WDFY4: variants seen among roughly 807,000 people sequenced by gnomAD.
The protein encoded by WDFY4 is WDFY family member 4.
Under a neutral mutation model 351.9 loss-of-function variants are expected in WDFY4, and 169 were observed. The ratio of observed to expected loss-of-function variants is 0.48; its 90% CI spans 0.42 to 0.55. The LOEUF (loss-of-function observed/expected upper bound fraction) is 0.55. Among genes scored for constraint, WDFY4 ranks in the 20% least tolerant of loss-of-function variants. The pLI is 0.00. For synonymous variants in WDFY4, 1,622 were observed against 1,574.6 expected, an observed-to-expected ratio of 1.03 and a Z score of -0.71; for missense variants, 3,803 against 3,935.6, an observed-to-expected ratio of 0.97 and a Z score of 0.90.
At chr10:48,905,604 G>A (rs1479001052) in intron 47 of WDFY4, among the ~76,000 whole-genome samples, 1 of 152,198 alleles carries the variant, frequency 6.6e-6, no homozygotes, top group Non-Finnish European at 1.5e-5. Flanking sequence ...GAGACCCTTG[G>A]AGAAGCTTCT....
At chr10:48,783,470 A>G (rs2066294178) in intron 19 of WDFY4, among the ~76,000 whole-genome samples, 1 of 151,686 alleles carries the variant, frequency 6.6e-6, no homozygotes. Flanking sequence ...TTATATATGT[A>G]CAATTGTATA....
At chr10:48,947,446 G>A (rs1404931503) in intron 51 of WDFY4, among the ~76,000 whole-genome samples, 1 of 152,186 alleles carries the variant, frequency 6.6e-6, no homozygotes, top group Non-Finnish European at 1.5e-5. Context: ...TACGCTAACA[G>A]ACCATTATAC....
At chr10:48,875,705 A>C (rs1470912034) in intron 42 of WDFY4, among the ~76,000 whole-genome samples, 2 of 152,208 alleles carry the variant, frequency 1.3e-5, no homozygotes, top group Non-Finnish European at 2.9e-5. Flanking sequence ...ATGAGCCAGC[A>C]CACCTGGCCA....
Position 48,828,830 on chromosome 10 carries a change from C to T in WDFY4, c.6274C>T (p.Gln2092Ter). 1 of 1,547,342 alleles carries T rather than the reference C, an allele frequency of 6.5e-7. No homozygotes were observed. Among genetic ancestry groups the T allele is most frequent in the Non-Finnish European group, 8.7e-7 (1 of 1,145,520 alleles). ...EPKPRMSTYH[Q>*]VFLSPNEDVK... ...CAAGCCTAGAATGTCTACTTATCAT[C>T]AAGTCTTCCTTTCCCCAAATGAAGA... The change falls in exon 37 of 62, where the codon CAA becomes TAA. Residue 2092 changes from glutamine (Q) to a stop codon, truncating the protein, a stop_gained. Coordinates refer to ENST00000325239, the MANE Select transcript of WDFY4 (RefSeq NM_001394531.1). LOFTEE classifies it high-confidence loss of function.
At chr10:48,870,389 G>A (rs2069721220) in intron 40 of WDFY4, among the ~76,000 whole-genome samples, 1 of 152,074 alleles carries the variant, frequency 6.6e-6, no homozygotes, top group Non-Finnish European at 1.5e-5. Flanking sequence ...TAGTTAAAAA[G>A]ACATTAGCCA....
At chr10:48,727,394 G>T in intron 6 of WDFY4, 76 bp from the exon 7 acceptor site, 2 of 1,389,996 alleles carry the variant, frequency 1.4e-6, no homozygotes, top group South Asian at 2.6e-5. Flanking sequence ...TTTGGAGTAG[G>T]GGAGGTAGGT....
chr10:48,952,169 G>A (rs1841358288), intron 51 of WDFY4, among the ~76,000 whole-genome samples: 1 of 152,114 alleles, frequency 6.6e-6, no homozygotes, highest in South Asian at 2.1e-4. Context: ...GGAAGGCGAG[G>A]AACCTGGAGC....
At position 48,973,429 on chromosome 10, in the gene WDFY4, GC is replaced by G. The variant is rs533485608; in HGVS notation, c.8929-1432del. Among the ~76,000 whole-genome samples the G allele has an allele frequency of 1.8e-4, 27 of 152,338 alleles. No individual in the cohort carries two copies. The South Asian group carries it at 5.6e-3, about 32-fold the overall frequency. The stretch of plus-strand genomic sequence containing the variant: ...TAGGATCCATTAAGGACAAACAGGA[GC>G]TTGTGGCAGAACCTTTCATTGCTAT... On this transcript the variant is annotated intron_variant, in intron 57 of 61. Coordinates refer to ENST00000325239, the MANE Select transcript of WDFY4 (RefSeq NM_001394531.1).
chr10:48,965,814 T>TAGATTATATCTGTATCAGTTAGATAC (rs1842052635), intron 54 of WDFY4, among the ~76,000 whole-genome samples: 28 of 152,376 alleles, frequency 1.8e-4, no homozygotes, highest in African/African-American at 6.7e-4. Flanking sequence ...CAGTTAGATA[T>TAGATTATATCTGTATCAGTTAGATAC]AGATTATATC....
intron 47 of WDFY4, among the ~76,000 whole-genome samples, chr10:48,918,750 G>T (rs914212005): frequency 6.2e-4 from 42 of 68,062 alleles, no homozygotes; most frequent in African/African-American, 1.6e-3. Flanking sequence ...TTGTCAGCAG[G>T]GGGTAGGATG....
rs997057865 is a variant in WDFY4 at position 48,937,705 on chromosome 10, A to C, written c.7587-4101A>C. Among the ~76,000 whole-genome samples the C allele has an allele frequency of 9.8e-5, 15 of 152,348 alleles. No individual in the cohort carries two copies. In the East Asian group the frequency reaches 2.7e-3, roughly 27 times the overall value. ...TTCCACGTTAGGGAAATGAAAAGCG[A>C]TAGGTAGTTATAACAGAGAGGTTTA... On this transcript the variant is annotated intron_variant, in intron 47 of 61. Transcript: ENST00000325239.
At chr10:48,705,591 C>T (rs2063605711) in intron 1 of WDFY4, among the ~76,000 whole-genome samples, 1 of 152,136 alleles carries the variant, frequency 6.6e-6, no homozygotes, top group Non-Finnish European at 1.5e-5. Context: ...GTGGCACGAT[C>T]AGCAGATGAG....
chr10:48,806,228 C>T (rs1871611), intron 27 of WDFY4, 133 bp downstream of exon 27: 7 of 827,264 alleles, frequency 8.5e-6, no homozygotes, highest in Admixed American at 6.6e-5. Context: ...GTTTCCAAGC[C>T]GTGGCCTGTG....
At chr10:48,828,162 G>A (rs1029692879) in intron 36 of WDFY4, among the ~76,000 whole-genome samples, 6 of 152,154 alleles carry the variant, frequency 3.9e-5, no homozygotes, top group Non-Finnish European at 5.9e-5. Flanking sequence ...CCACGTGGAC[G>A]TTAACACAAT....
chr10:48,804,646 T>C (rs2067194942), intron 25 of WDFY4: 2 of 910,588 alleles, frequency 2.2e-6, no homozygotes, highest in Non-Finnish European at 2.6e-6. Context: ...CACCATTTTT[T>C]CTCTTCCACT....
chr10:48,868,427 C>T (rs745380340), intron 40 of WDFY4, among the ~76,000 whole-genome samples: 1 of 152,026 alleles, frequency 6.6e-6, no homozygotes, highest in African/African-American at 2.4e-5. Context: ...TTTCACAGAC[C>T]CTTTGGTTGG....
chr10:48,819,818 TCTGA>T (rs1337300413), intron 32 of WDFY4, among the ~76,000 whole-genome samples: 4 of 152,186 alleles, frequency 2.6e-5, no homozygotes, highest in Non-Finnish European at 5.9e-5. Flanking sequence ...ACCGACTCTC[TCTGA>T]CTGTCTACCA....
chr10:48,872,730 A>G (rs1248754999), intron 40 of WDFY4, among the ~76,000 whole-genome samples: 1 of 152,220 alleles, frequency 6.6e-6, no homozygotes, highest in Non-Finnish European at 1.5e-5. Context: ...TCTATGTATT[A>G]TTAGAAAAGT....
intron 13 of WDFY4, among the ~76,000 whole-genome samples, chr10:48,761,452 T>C (rs1457651098): frequency 3.3e-5 from 5 of 152,100 alleles, no homozygotes; most frequent in African/African-American, 9.7e-5. Context: ...TGATGTGTGG[T>C]GATAGCTGGA....
Sources: gnomAD v4.1 joint callset for allele counts (sites outside exome capture counted in the v4.1 genomes callset) on GRCh38, gnomAD v4.1.1 for gene constraint, MANE v1.5 for transcripts, NCBI Gene and HGNC (gene_info 2026-07-23, HGNC 2026-07-21) for gene names.